The following YBX1 variants were observed in gnomAD, a reference collection of about 807,000 sequenced individuals.
YBX1 encodes Y-box-binding protein 1.
YBX1 carries 3 observed loss-of-function variants against 41.4 expected under a neutral mutation model. That is an observed-to-expected ratio of 0.07 (90% CI 0.03 to 0.19). The LOEUF (loss-of-function observed/expected upper bound fraction) is 0.19. Ranked by LOEUF, YBX1 falls within the 10% of genes least tolerant of loss-of-function variation. The pLI is 1.00. For synonymous variants in YBX1, 133 were observed against 165.8 expected (o/e 0.80, Z 1.52); for missense variants, 274 against 462.8 (o/e 0.59, Z 3.74).
chr1:42,682,557 A>T lies in YBX1; in HGVS notation c.-9A>T. On this transcript the variant is annotated 5_prime_UTR_variant, in exon 1 of 8. Coordinates refer to ENST00000321358, the MANE Select transcript of YBX1 (RefSeq NM_004559.5). ...GCCGCAGCCGGCCCCAGTCACCATC[A>T]CCGCAACCATGAGCAGCGAGGCCGA... 9 of 1,456,532 alleles carry T rather than the reference A, an allele frequency of 6.2e-6. No individual in the cohort carries two copies. The highest frequency in any genetic ancestry group is 8.1e-6 in the Non-Finnish European group (9 of 1,109,174). 90.2% of individuals were successfully genotyped at this position (1,456,532 alleles called of 1,614,324 possible).
chr1:42,683,511 C>T (rs371791391), intron 2 of YBX1, 45 bp downstream of exon 2: 5 of 1,609,412 alleles, frequency 3.1e-6, no homozygotes, highest in African/African-American at 1.3e-5. Context: ...TTCTTGCTTG[C>T]TTCCTGCTCT....
At chr1:42,683,275 C>T (rs774001482) in intron 1 of YBX1, 128 bp from the exon 2 acceptor site, 2 of 1,084,576 alleles carry the variant, frequency 1.8e-6, no homozygotes, top group African/African-American at 1.6e-5. Flanking sequence ...CGCACCCGGG[C>T]GGTGGAGAGA....
chr1:42,698,917 A>G (rs1470882822), intron 6 of YBX1, among the ~76,000 whole-genome samples: 2 of 152,202 alleles, frequency 1.3e-5, no homozygotes, highest in African/African-American at 4.8e-5. Context: ...GCTGCCCCTA[A>G]TGCATGGAAT....
intron 6 of YBX1, among the ~76,000 whole-genome samples, chr1:42,700,005 A>G (rs2148742643): frequency 6.6e-6 from 1 of 152,304 alleles, no homozygotes; most frequent in East Asian, 1.9e-4. Context: ...AATCCAAAAT[A>G]AGATGGAAAG....
chr1:42,683,813 A>G (rs1369438680), intron 2 of YBX1, among the ~76,000 whole-genome samples: 2 of 152,114 alleles, frequency 1.3e-5, no homozygotes, highest in African/African-American at 2.4e-5. Flanking sequence ...ATCTTTTTCT[A>G]CTTTATTGAA....
At chr1:42,692,918 G>A (rs1650374399) in intron 2 of YBX1, among the ~76,000 whole-genome samples, 1 of 152,210 alleles carries the variant, frequency 6.6e-6, no homozygotes, top group South Asian at 2.1e-4. Flanking sequence ...ACCTTCATCA[G>A]TCCTTGTCTG....
At chr1:42,693,051 G>T (rs1424324300) in intron 2 of YBX1, among the ~76,000 whole-genome samples, 1 of 152,090 alleles carries the variant, frequency 6.6e-6, no homozygotes, top group Non-Finnish European at 1.5e-5. Flanking sequence ...TGGGGAGGGG[G>T]GTTCTCATTT....
At chr1:42,692,052 A>G (rs923517169) in intron 2 of YBX1, among the ~76,000 whole-genome samples, 3 of 152,112 alleles carry the variant, frequency 2.0e-5, no homozygotes, top group African/African-American at 7.2e-5. Context: ...AGGTTTCACG[A>G]TGTTGGCCAG....
chr1:42,696,377 G>A lies in YBX1; in HGVS notation c.354+89G>A. The A allele has an allele frequency of 7.3e-7, 1 of 1,374,854 alleles. No individual in the cohort carries two copies. The highest frequency in any genetic ancestry group is 1.8e-4 in the Middle Eastern group (1 of 5,462). 85.2% of individuals were successfully genotyped at this position (1,374,854 alleles called of 1,614,324 possible). ...TTAGGATGGTGGCTCTAATGTGGAT[G>A]GATGTGTTCAGGTGACCTCATGAAC... is the stretch of plus-strand genomic sequence containing the variant. On this transcript the variant is annotated intron_variant, in intron 4 of 7. Transcript: ENST00000321358. This position sits in a 1 kb window ranked among gnomAD's most constrained non-coding sequence, Gnocchi z 5.7.
chr1:42,693,046 AG>A (rs1465115054), intron 2 of YBX1, among the ~76,000 whole-genome samples: 1 of 151,888 alleles, frequency 6.6e-6, no homozygotes, highest in African/African-American at 2.4e-5. Context: ...GTTGGTGGGG[AG>A]GGGGGTTCTC....
intron 6 of YBX1, among the ~76,000 whole-genome samples, chr1:42,700,328 TAAAAGA>T (rs1315658210): frequency 6.6e-6 from 1 of 151,936 alleles, no homozygotes; most frequent in Non-Finnish European, 1.5e-5. Flanking sequence ...TCTTGGTGAT[TAAAAGA>T]CTCAAGCCTG....
chr1:42,700,292 G>GA (rs1452153484), intron 6 of YBX1, among the ~76,000 whole-genome samples: 1 of 152,066 alleles, frequency 6.6e-6, no homozygotes, highest in Non-Finnish European at 1.5e-5. Context: ...CTGGGGGAAA[G>GA]AAAATCCCAA....
At chr1:42,691,871 A>AT (rs1650347817) in intron 2 of YBX1, among the ~76,000 whole-genome samples, 1 of 125,896 alleles carries the variant, frequency 7.9e-6, no homozygotes, top group African/African-American at 2.6e-5. Context: ...TTATTTTTTT[A>AT]TTTTTTTTGA....
chr1:42,693,411 A>T, intron 2 of YBX1, 79 bp from the exon 3 acceptor site: 9 of 1,552,734 alleles, frequency 5.8e-6, no homozygotes, highest in African/African-American at 1.4e-5. Flanking sequence ...GCAGCCAGAG[A>T]GTCTCTGGGA....
rs895058816 is a variant in YBX1, at chr1:42,703,040, C to T, written c.*1091C>T. On this transcript the variant is annotated 3_prime_UTR_variant, in exon 8 of 8. Transcript: ENST00000321358. ...CTCTAGGTTTAAGCGATTCTCCTGC[C>T]TCGGCCACCTTAGTAGCTGGGAGTA... Among the ~76,000 whole-genome samples, 4 of 152,152 alleles carry T rather than the reference C, an allele frequency of 2.6e-5. No individual in the cohort carries two copies. The highest frequency in any genetic ancestry group is 5.9e-5 in the Non-Finnish European group (4 of 68,024).
At chr1:42,687,697 C>T (rs753917108) in intron 2 of YBX1, among the ~76,000 whole-genome samples, 1 of 152,046 alleles carries the variant, frequency 6.6e-6, no homozygotes, top group Non-Finnish European at 1.5e-5. Context: ...TCTTGCACTC[C>T]TGGGCTCAAG....
At chr1:42,693,139 A>G (rs1213733626) in intron 2 of YBX1, among the ~76,000 whole-genome samples, 3 of 152,146 alleles carry the variant, frequency 2.0e-5, no homozygotes, top group Non-Finnish European at 4.4e-5. Flanking sequence ...GTTGGTAACC[A>G]TGCTCTAGAG....
chr1:42,684,854 A>G (rs75062597), intron 2 of YBX1, among the ~76,000 whole-genome samples: 1 of 152,348 alleles, frequency 6.6e-6, no homozygotes, highest in African/African-American at 2.4e-5. Flanking sequence ...TACTCTGATT[A>G]TCGTTACTAG....
intron 2 of YBX1, among the ~76,000 whole-genome samples, chr1:42,684,256 G>A (rs898853303): frequency 3.3e-5 from 5 of 152,226 alleles, no homozygotes; most frequent in Admixed American, 2.6e-4. Context: ...TTGTAGGAGT[G>A]GTGGTGGTAA....
Sources: allele counts gnomAD v4.1 joint callset (sites outside exome capture counted in the v4.1 genomes callset), GRCh38; gene constraint gnomAD v4.1.1; non-coding constraint Gnocchi (gnomAD v3.1); transcripts MANE v1.5; gene names NCBI Gene and HGNC (gene_info 2026-07-23, HGNC 2026-07-21).